The following BCL9L variants were observed in gnomAD, a reference collection of about 807,000 sequenced individuals.
BCL9L encodes BCL9 like.
In BCL9L, 19 loss-of-function variants were observed where a neutral mutation model predicts 99.4. The ratio of observed to expected loss-of-function variants is 0.19; its 90% confidence interval spans 0.13 to 0.28. The LOEUF (loss-of-function observed/expected upper bound fraction) is 0.28. Among genes scored for constraint, BCL9L ranks in the 10% least tolerant of loss-of-function variants. The pLI is 1.00. For missense variants in BCL9L, 2,023 were observed against 2,101.6 expected, an observed-to-expected ratio of 0.96 and a Z score of 0.73; for synonymous variants, 900 against 854.8, an observed-to-expected ratio of 1.05 and a Z score of -0.92.
rs1467198383 is a variant in BCL9L, at chr11:118,898,125, G to C, written c.*290C>G. On this transcript the variant is annotated 3_prime_UTR_variant, in exon 10 of 10. Transcript: ENST00000683865. Reference sequence around the variant, plus strand: ...GGGTGTGGCGGGTGCAGGGATGCACGGAAAGAGGTAAAATAGAGAGGCTCC... The same window carrying C: ...GGGTGTGGCGGGTGCAGGGATGCACCGAAAGAGGTAAAATAGAGAGGCTCC... The C allele has an allele frequency of 1.1e-5, 6 of 548,928 alleles. No homozygotes were observed. The highest frequency in any genetic ancestry group is 2.0e-5 in the Non-Finnish European group (6 of 305,236). 34.0% of individuals were successfully genotyped at this position (548,928 alleles called of 1,614,324 possible).
At chr11:118,918,185 G>A (rs749315793) in intron 2 of BCL9L, among the ~76,000 whole-genome samples, 6 of 152,210 alleles carry the variant, frequency 3.9e-5, no homozygotes, top group South Asian at 2.1e-4. Context: ...TAGTCGAACC[G>A]GGAGCCCTCA....
In BCL9L at chr11:118,902,255, G is replaced by A. The variant is rs1474541218; in HGVS notation, c.1488C>T (p.Asp496=). 5 of 1,603,618 alleles carry A rather than the reference G, an allele frequency of 3.1e-6. No homozygotes were observed. In the Admixed American group the frequency reaches 5.0e-5, roughly 16 times the overall value. Residue 496 remains aspartate, a synonymous_variant, in exon 8 of 10, where the codon GAC becomes GAT. Transcript: ENST00000683865. This position sits in a 1 kb window ranked among gnomAD's most constrained non-coding sequence, Gnocchi z 7.8. ...HEVPGHPPGG[D]MGQQMNMMIQ... is the part of the protein sequence containing the mutation. ...TCATCATGTTCATCTGCTGCCCCAT[G>A]TCCCCACCCGGGGGGTGCCCAGGCA...
At position 118,921,792 on chromosome 11, in the gene BCL9L, G is replaced by A. The variant is rs766513037; in HGVS notation, c.-130-2913C>T. On this transcript the variant is annotated intron_variant, in intron 1 of 9. Coordinates refer to ENST00000683865, the MANE Select transcript of BCL9L (RefSeq NM_001378213.1). This position sits in a 1 kb window ranked among gnomAD's most constrained non-coding sequence, Gnocchi z 5.4. ...TCTGTGTCCTTTCCCCTACTCCTGG[G>A]CAGTGGTGACCACCTTCTCCCCTCC... Among the ~76,000 whole-genome samples the A allele has an allele frequency of 8.6e-5, 13 of 152,032 alleles. No individual in the cohort carries two copies. The highest frequency in any genetic ancestry group is 1.8e-4 in the Non-Finnish European group (12 of 67,984).
intron 9 of BCL9L, 121 bp downstream of exon 9, chr11:118,899,796 C>T: frequency 7.3e-7 from 1 of 1,362,410 alleles, no homozygotes; most frequent in Admixed American, 2.5e-5. Flanking sequence ...CATCCCGGAG[C>T]CTCCACCCCC....
In BCL9L at chr11:118,900,071, CA is replaced by C; in HGVS notation, c.3251del (p.Leu1084ArgfsTer3). ...SPDPTPSQNP[L>X]SLMMTQMSKY... ...TGGACATCTGGGTCATCATCAGTGA[CA>C]GGGGGTTCTGGGAAGGTGTGGGGTC... On this transcript the variant is annotated frameshift_variant, in exon 9 of 10. Transcript: ENST00000683865. LOFTEE classifies it high-confidence loss of function. This position sits in a 1 kb window ranked among gnomAD's most constrained non-coding sequence, Gnocchi z 5.3. The C allele has an allele frequency of 6.2e-7, 1 of 1,613,848 alleles. No individual in the cohort carries two copies. The highest frequency in any genetic ancestry group is 8.5e-7 in the Non-Finnish European group (1 of 1,179,928).
At chr11:118,916,041 C>A (rs972010585) in intron 2 of BCL9L, among the ~76,000 whole-genome samples, 1 of 152,170 alleles carries the variant, frequency 6.6e-6, no homozygotes, top group Non-Finnish European at 1.5e-5. Context: ...AGCCCCAGCC[C>A]GATCCCAAAA....
At position 118,921,195 on chromosome 11, in the gene BCL9L, A is replaced by T. The variant is rs1278120587; in HGVS notation, c.-130-2316T>A. Among the ~76,000 whole-genome samples the T allele has an allele frequency of 6.6e-6, 1 of 152,148 alleles. No individual in the cohort carries two copies. The highest frequency in any genetic ancestry group is 1.5e-5 in the Non-Finnish European group (1 of 68,028). On this transcript the variant is annotated intron_variant, in intron 1 of 9. Coordinates refer to ENST00000683865, the MANE Select transcript of BCL9L (RefSeq NM_001378213.1). This position sits in a 1 kb window ranked among gnomAD's most constrained non-coding sequence, Gnocchi z 5.4. ...GGGGAGCTCAGGAAACACACATGAC[A>T]TCGGCCAATCACACAGAACTGCCAA...
At chr11:118,909,703 C>G (rs557192651) in intron 3 of BCL9L, among the ~76,000 whole-genome samples, 116 of 152,322 alleles carry the variant, frequency 7.6e-4, no homozygotes, top group African/African-American at 2.6e-3. Flanking sequence ...CTCTGCCCCC[C>G]ACCCAGGCCC....
At position 118,900,722 on chromosome 11, in the gene BCL9L, C is replaced by A; in HGVS notation, c.3021G>T (p.Trp1007Cys). The A allele has an allele frequency of 1.2e-6, 2 of 1,613,896 alleles. No homozygotes were observed. The highest frequency in any genetic ancestry group is 1.1e-5 in the South Asian group (1 of 91,084). ...SPSMAVPSPG[W>C]VASPKTAMPS... ...GCATGGCCGTCTTAGGTGAGGCAAC[C>A]CAGCCTGGAGAAGGCACCGCCATGG... Residue 1007 changes from tryptophan (W) to cysteine (C), a missense_variant, in exon 8 of 10, where the codon TGG becomes TGT. Trp to Cys is a radical substitution (Grantham distance 215). Around this residue, in one of 3 missense-constraint regions of BCL9L, gnomAD observed 902 missense variants for 888.2 expected, o/e 1.02. Coordinates refer to ENST00000683865, the MANE Select transcript of BCL9L (RefSeq NM_001378213.1). This position sits in a 1 kb window ranked among gnomAD's most constrained non-coding sequence, Gnocchi z 5.3.
At chr11:118,917,133 C>A (rs774835916) in intron 2 of BCL9L, among the ~76,000 whole-genome samples, 1 of 152,096 alleles carries the variant, frequency 6.6e-6, no homozygotes, top group Non-Finnish European at 1.5e-5. Flanking sequence ...GGGGAAGCGG[C>A]GGCAGCAAAC....
chr11:118,921,000 C>T (rs374509171), intron 1 of BCL9L, among the ~76,000 whole-genome samples: 14 of 152,266 alleles, frequency 9.2e-5, no homozygotes, highest in African/African-American at 2.4e-4. Flanking sequence ...TACACGTGGA[C>T]GAGACACGCC....
At chr11:118,920,853 T>C (rs896618414) in intron 1 of BCL9L, among the ~76,000 whole-genome samples, 3 of 152,122 alleles carry the variant, frequency 2.0e-5, no homozygotes, top group African/African-American at 7.2e-5. Flanking sequence ...TCCAGGAAAC[T>C]TCCCTATCAA....
At chr11:118,910,072 G>A (rs1940715151) in intron 2 of BCL9L, 57 bp from the exon 3 acceptor site, 3 of 1,287,080 alleles carry the variant, frequency 2.3e-6, no homozygotes, top group Non-Finnish European at 3.2e-6. Context: ...GTGTCAGAGG[G>A]GGAGGGGAGA....
rs772183328 is a variant in BCL9L at position 118,902,949 on chromosome 11, G to A, written c.834+41C>T. 8.8e-6 allele frequency: 14 copies of A among 1,594,596 alleles called. No homozygotes were observed. In the Middle Eastern group the frequency reaches 5.0e-4, roughly 57 times the overall value. ...GAGAGCATGAGACAGGTAAGGGGACGTTCCACCCAGTCCTGCTGCTCACAG... is the reference window on the plus strand; with the variant it reads ...GAGAGCATGAGACAGGTAAGGGGACATTCCACCCAGTCCTGCTGCTCACAG... On this transcript the variant is annotated intron_variant, in intron 7 of 9. Coordinates refer to ENST00000683865, the MANE Select transcript of BCL9L (RefSeq NM_001378213.1). This position sits in a 1 kb window ranked among gnomAD's most constrained non-coding sequence, Gnocchi z 7.8.
intron 5 of BCL9L, among the ~76,000 whole-genome samples, chr11:118,906,100 G>C (rs2137713081): frequency 6.6e-6 from 1 of 151,566 alleles, no homozygotes; most frequent in Non-Finnish European, 1.5e-5. Flanking sequence ...AGTCTGAGAT[G>C]GGAGGATCAC....
At chr11:118,916,851 G>T (rs1420097677) in intron 2 of BCL9L, among the ~76,000 whole-genome samples, 2 of 152,240 alleles carry the variant, frequency 1.3e-5, no homozygotes, top group Non-Finnish European at 2.9e-5. Flanking sequence ...CCCCAAGCCA[G>T]GTCCCTGACC....
chr11:118,924,339 A>C (rs1941225863), intron 1 of BCL9L, among the ~76,000 whole-genome samples: 1 of 151,482 alleles, frequency 6.6e-6, no homozygotes, highest in South Asian at 2.1e-4. Flanking sequence ...AGACACAGAC[A>C]CAGACACACA....
chr11:118,922,262 C>T lies in BCL9L; in HGVS notation c.-131+2976G>A, dbSNP rs1012617737. On this transcript the variant is annotated intron_variant, in intron 1 of 9. Coordinates refer to ENST00000683865, the MANE Select transcript of BCL9L (RefSeq NM_001378213.1). The surrounding 1 kb of genome is among the most constrained non-coding windows in gnomAD (Gnocchi z 6.2). ...AAGTCCAGGCAGCCTTCAGGGCCGCCGAGCCAAGTGACATGCACCAGCTCA... is the reference window on the plus strand; with the variant it reads ...AAGTCCAGGCAGCCTTCAGGGCCGCTGAGCCAAGTGACATGCACCAGCTCA... 3.3e-5 allele frequency among the ~76,000 whole-genome samples: 5 copies of T among 152,174 alleles called. No individual in the cohort carries two copies. The highest frequency in any genetic ancestry group is 2.0e-4 in the Admixed American group (3 of 15,284).
chr11:118,902,117 C>A lies in BCL9L; in HGVS notation c.1626G>T (p.Gly542=), dbSNP rs762932682. ...CCATCATGTCCTGCAGAGGACGGCTCCCATGCAGCCCAATCTGTTCCTCTT... is the reference window on the plus strand; with the variant it reads ...CCATCATGTCCTGCAGAGGACGGCTACCATGCAGCCCAATCTGTTCCTCTT... ...RRKEEQIGLH[G]SRPLQDMMGM... Residue 542 remains glycine (G), a synonymous_variant, in exon 8 of 10, where the codon GGG becomes GGT. Coordinates refer to ENST00000683865, the MANE Select transcript of BCL9L (RefSeq NM_001378213.1). This position sits in a 1 kb window ranked among gnomAD's most constrained non-coding sequence, Gnocchi z 7.8. The A allele has an allele frequency of 1.2e-6, 2 of 1,614,122 alleles. No homozygotes were observed. The highest frequency in any genetic ancestry group is 3.3e-5 in the Admixed American group (2 of 60,028).
Sources: gnomAD v4.1 joint callset for allele counts (sites outside exome capture counted in the v4.1 genomes callset) on GRCh38, gnomAD v4.1.1 for gene constraint, gnomAD v4.1.1 regional missense constraint, Gnocchi (gnomAD v3.1) non-coding constraint, MANE v1.5 for transcripts, NCBI Gene and HGNC (gene_info 2026-07-23, HGNC 2026-07-21) for gene names.